Variants in SGPP2 observed in about 807,000 individuals in gnomAD.
SGPP2 encodes sphingosine 1-phosphate phosphohydrolase 2.
Under a neutral mutation model 33.9 loss-of-function variants are expected in SGPP2, and 30 were observed. The ratio of observed to expected loss-of-function variants is 0.89; its 90% confidence interval spans 0.66 to 1.20. SGPP2 has a LOEUF of 1.20. Ranked by LOEUF, SGPP2 falls within the 50% of genes most tolerant of loss-of-function variation. The pLI is 0.00. For synonymous variants in SGPP2, 233 were observed against 225.0 expected (o/e 1.04, Z -0.32); for missense variants, 458 against 532.1 (o/e 0.86, Z 1.37).
chr2:222,463,062 C>T (rs185512035), intron 1 of SGPP2, among the ~76,000 whole-genome samples: 3 of 152,262 alleles, frequency 2.0e-5, no homozygotes, highest in East Asian at 1.9e-4. Context: ...GAAAATGTGA[C>T]GGAAATTGAT....
At chr2:222,495,221 C>T (rs1345647772) in intron 2 of SGPP2, among the ~76,000 whole-genome samples, 1 of 151,754 alleles carries the variant, frequency 6.6e-6, no homozygotes, top group African/African-American at 2.4e-5. Flanking sequence ...TGAGACCAGC[C>T]TGGGCAACAA....
intron 3 of SGPP2, 64 bp downstream of exon 3, chr2:222,522,010 G>C: frequency 7.1e-7 from 1 of 1,414,224 alleles, no homozygotes; most frequent in Non-Finnish European, 9.3e-7. Flanking sequence ...CTGCACTTCT[G>C]AATTTTCTCT....
At chr2:222,496,807 A>C (rs1486032259) in intron 2 of SGPP2, among the ~76,000 whole-genome samples, 1 of 151,876 alleles carries the variant, frequency 6.6e-6, no homozygotes, top group East Asian at 1.9e-4. Context: ...TAGAAAAGCC[A>C]CTCTGCCTCC....
chr2:222,532,077 A>G (rs545182562), intron 4 of SGPP2, among the ~76,000 whole-genome samples: 11 of 152,292 alleles, frequency 7.2e-5, no homozygotes, highest in Non-Finnish European at 1.0e-4. Flanking sequence ...GTTCGAGACC[A>G]GCCTGACCAA....
intron 2 of SGPP2, among the ~76,000 whole-genome samples, chr2:222,480,788 C>A (rs1212821077): frequency 6.6e-6 from 1 of 152,104 alleles, no homozygotes; most frequent in Admixed American, 6.5e-5. Context: ...GCTAATTTAA[C>A]CAAAGAAAAA....
intron 2 of SGPP2, among the ~76,000 whole-genome samples, chr2:222,520,246 A>T (rs1698662731): frequency 2.0e-5 from 3 of 151,828 alleles, no homozygotes; most frequent in Admixed American, 2.0e-4. Context: ...GTGGTTTTTG[A>T]CTTGTATTTC....
intron 1 of SGPP2, among the ~76,000 whole-genome samples, chr2:222,436,667 A>G (rs1462020347): frequency 6.6e-6 from 1 of 152,186 alleles, no homozygotes; most frequent in Non-Finnish European, 1.5e-5. Flanking sequence ...GACGGTAGAT[A>G]AGGCATTCCA....
intron 4 of SGPP2, among the ~76,000 whole-genome samples, chr2:222,545,900 A>G (rs1689184220): frequency 6.6e-6 from 1 of 152,178 alleles, no homozygotes; most frequent in African/African-American, 2.4e-5. Flanking sequence ...CTGCCTGAGA[A>G]CTGGTCTGTT....
chr2:222,555,977 T>C (rs892675426), intron 4 of SGPP2, among the ~76,000 whole-genome samples: 1 of 152,210 alleles, frequency 6.6e-6, no homozygotes, highest in Admixed American at 6.5e-5. Context: ...GTGCGTTGAT[T>C]GGCCTACCTA....
chr2:222,528,862 C>T (rs1698798398), intron 4 of SGPP2, among the ~76,000 whole-genome samples: 1 of 152,214 alleles, frequency 6.6e-6, no homozygotes, highest in East Asian at 1.9e-4. Flanking sequence ...AGCAATCATA[C>T]CACCTCAGCC....
At chr2:222,424,851 G>A (rs1045351224) in intron 1 of SGPP2, 30 bp downstream of exon 1, 7 of 1,308,426 alleles carry the variant, frequency 5.3e-6, no homozygotes, top group South Asian at 4.2e-5. Flanking sequence ...CGCCGGGTAC[G>A]GGGAGGGGGC....
chr2:222,439,162 C>T (rs1005754180), intron 1 of SGPP2, among the ~76,000 whole-genome samples: 8 of 152,158 alleles, frequency 5.3e-5, no homozygotes, highest in African/African-American at 1.4e-4. Flanking sequence ...AATGTCTGAT[C>T]ATTTCCCTTT....
chr2:222,505,952 AAAGT>A (rs1341545299), intron 2 of SGPP2, among the ~76,000 whole-genome samples: 1 of 151,996 alleles, frequency 6.6e-6, no homozygotes, highest in East Asian at 1.9e-4. Context: ...AAAAAAAAAA[AAAGT>A]AGTTAAAATT....
At chr2:222,493,056 C>T (rs907182164) in intron 2 of SGPP2, among the ~76,000 whole-genome samples, 1 of 152,224 alleles carries the variant, frequency 6.6e-6, no homozygotes, top group Non-Finnish European at 1.5e-5. Context: ...GCCCTCCAAA[C>T]TGTTCCAACC....
intron 2 of SGPP2, among the ~76,000 whole-genome samples, chr2:222,480,561 A>G (rs1698013617): frequency 6.6e-6 from 1 of 152,248 alleles, no homozygotes; most frequent in Non-Finnish European, 1.5e-5. Context: ...ACCAAAATGA[A>G]GTTATGCTAT....
At chr2:222,522,542 C>A (rs1363473326) in intron 3 of SGPP2, among the ~76,000 whole-genome samples, 1 of 152,120 alleles carries the variant, frequency 6.6e-6, no homozygotes, top group Non-Finnish European at 1.5e-5. Flanking sequence ...TGCTTAAATG[C>A]CAATTATAGT....
chr2:222,480,639 T>C (rs1252377743), intron 2 of SGPP2, among the ~76,000 whole-genome samples: 2 of 152,236 alleles, frequency 1.3e-5, no homozygotes, highest in African/African-American at 2.4e-5. Flanking sequence ...ATTGATAGTG[T>C]ATTGTCAAGG....
At chr2:222,466,224 C>G (rs1416361715) in intron 1 of SGPP2, among the ~76,000 whole-genome samples, 1 of 151,252 alleles carries the variant, frequency 6.6e-6, no homozygotes, top group African/African-American at 2.4e-5. Flanking sequence ...AGACATGGCC[C>G]CTGTTTGGAA....
At chr2:222,468,811 T>C (rs1697795075) in intron 1 of SGPP2, among the ~76,000 whole-genome samples, 1 of 152,214 alleles carries the variant, frequency 6.6e-6, no homozygotes, top group Admixed American at 6.5e-5. Flanking sequence ...TATTTAAACA[T>C]TGAAGGCAGC....
Sources: allele counts gnomAD v4.1 joint callset (sites outside exome capture counted in the v4.1 genomes callset), GRCh38; gene constraint gnomAD v4.1.1; transcripts MANE v1.5; gene names NCBI Gene and HGNC (gene_info 2026-07-23, HGNC 2026-07-21).